CYP2J2: variants seen among roughly 807,000 people sequenced by gnomAD.
The protein encoded by CYP2J2 is cytochrome P450 2J2.
A neutral mutation model predicts 48.8 loss-of-function variants in CYP2J2; 41 were observed. That is an observed-to-expected ratio of 0.84 (90% CI 0.66 to 1.09). The LOEUF is 1.09. CYP2J2 is among the 50% of genes least tolerant of loss of function. CYP2J2 has a pLI of 0.00. For synonymous variants in CYP2J2, 221 were observed against 227.1 expected, an observed-to-expected ratio of 0.97 and a Z score of 0.24; for missense variants, 644 against 617.3, an observed-to-expected ratio of 1.04 and a Z score of -0.46.
chr1:59,920,553 A>G (rs1027486992), intron 1 of CYP2J2, among the ~76,000 whole-genome samples: 2 of 152,168 alleles, frequency 1.3e-5, no homozygotes, highest in Non-Finnish European at 2.9e-5. Context: ...CTCCTGGGAA[A>G]AGCATCTTCT....
chr1:59,957,652 C>T, the CYP2J2 span, among the ~76,000 whole-genome samples: 2 of 151,426 alleles, frequency 1.3e-5, no homozygotes, highest in African/African-American at 4.9e-5. Flanking sequence ...AAGGAAAGTT[C>T]CATTATGAGA....
chr1:59,964,050 T>C, the CYP2J2 span, among the ~76,000 whole-genome samples: 1 of 152,222 alleles, frequency 6.6e-6, no homozygotes, highest in Non-Finnish European at 1.5e-5. Flanking sequence ...ATTTAGCCCA[T>C]TGATGTGTCT....
chr1:59,902,113 C>T (rs1194707267), intron 7 of CYP2J2, among the ~76,000 whole-genome samples: 2 of 152,124 alleles, frequency 1.3e-5, no homozygotes, highest in Non-Finnish European at 2.9e-5. Flanking sequence ...ATTTGCCTTG[C>T]CAGGAATGTT....
chr1:59,962,484 TTAGAG>T, the CYP2J2 span, among the ~76,000 whole-genome samples: 1 of 152,162 alleles, frequency 6.6e-6, no homozygotes, highest in Admixed American at 6.5e-5. Context: ...AAAATACCAC[TTAGAG>T]TAGACTCTTG....
chr1:59,969,009 C>T, the CYP2J2 span, among the ~76,000 whole-genome samples: 1 of 152,248 alleles, frequency 6.6e-6, no homozygotes, highest in East Asian at 1.9e-4. Context: ...TGAGTGTTAA[C>T]AGCTCTTAAG....
At chr1:59,901,160 G>A in intron 7 of CYP2J2, 57 bp from the exon 8 acceptor site, 2 of 1,575,384 alleles carry the variant, frequency 1.3e-6, no homozygotes, top group East Asian at 2.3e-5. Context: ...GCACACCTAT[G>A]CAGAGGGGTG....
At chr1:59,966,968 A>G in the CYP2J2 span, among the ~76,000 whole-genome samples, 1 of 151,336 alleles carries the variant, frequency 6.6e-6, no homozygotes, top group African/African-American at 2.4e-5. Context: ...AAGGAAATCC[A>G]AGCTCTTCAG....
At chr1:59,956,698 T>A in the CYP2J2 span, among the ~76,000 whole-genome samples, 7 of 152,148 alleles carry the variant, frequency 4.6e-5, no homozygotes, top group African/African-American at 1.7e-4. Context: ...AACCTCATAT[T>A]CTTGAAAAGA....
the CYP2J2 span, among the ~76,000 whole-genome samples, chr1:59,935,011 T>TACAC: frequency 1.0e-4 from 4 of 39,788 alleles, no homozygotes; most frequent in Admixed American, 6.2e-4. Context: ...TATATATATA[T>TACAC]ATACATATAT....
intron 2 of CYP2J2, chr1:59,913,249 T>C (rs1644434468): frequency 6.6e-6 from 1 of 152,184 alleles, no homozygotes; most frequent in Admixed American, 6.5e-5. Context: ...CTTGAAATGG[T>C]GGAGTTCTTC....
the CYP2J2 span, among the ~76,000 whole-genome samples, chr1:59,965,962 C>T: frequency 1.3e-5 from 2 of 152,268 alleles, no homozygotes; most frequent in East Asian, 3.9e-4. Context: ...TGGGTGTACC[C>T]AAATTCTGAC....
chr1:59,967,897 A>G, the CYP2J2 span, among the ~76,000 whole-genome samples: 2 of 152,206 alleles, frequency 1.3e-5, no homozygotes, highest in Admixed American at 6.5e-5. Context: ...CAACTTTTTC[A>G]CTATATATAA....
At chr1:59,926,917 A>G (rs577951658), upstream of CYP2J2, 39 of 626,956 alleles carry the variant, frequency 6.2e-5, no homozygotes, top group African/African-American at 6.6e-4. Context: ...CACCGGTCTC[A>G]GAAAAGGCCA....
chr1:59,901,866 AGAGT>A (rs11572303), intron 7 of CYP2J2, among the ~76,000 whole-genome samples: 4,867 of 152,196 alleles, frequency 0.032, 135 homozygotes, highest in Admixed American at 0.087. Flanking sequence ...ACTCTGGAAG[AGAGT>A]GAGCTTCTAG....
At chr1:59,944,475 G>A in the CYP2J2 span, among the ~76,000 whole-genome samples, 1 of 152,262 alleles carries the variant, frequency 6.6e-6, no homozygotes, top group South Asian at 2.1e-4. Flanking sequence ...TGCCCACCTT[G>A]GCCTCCCAAA....
At chr1:59,960,719 T>C in the CYP2J2 span, among the ~76,000 whole-genome samples, 1 of 152,168 alleles carries the variant, frequency 6.6e-6, no homozygotes, top group African/African-American at 2.4e-5. Context: ...GGCAGAGGCC[T>C]GTAATCCCAG....
the CYP2J2 span, among the ~76,000 whole-genome samples, chr1:59,956,356 T>C: frequency 6.6e-6 from 1 of 152,160 alleles, no homozygotes; most frequent in East Asian, 1.9e-4. Context: ...TCCATCAGAA[T>C]GTGAAATTAT....
intron 1 of CYP2J2, among the ~76,000 whole-genome samples, chr1:59,920,917 A>C (rs951024835): frequency 6.6e-6 from 1 of 152,214 alleles, no homozygotes; most frequent in Non-Finnish European, 1.5e-5. Flanking sequence ...ATTATGGCTC[A>C]GACCATTTTC....
intron 1 of CYP2J2, 147 bp downstream of exon 1, chr1:59,926,390 C>T: frequency 3.1e-6 from 2 of 651,164 alleles, no homozygotes; most frequent in Non-Finnish European, 2.8e-6. Flanking sequence ...GGAAATGAAA[C>T]TCAAAGTGGG....
Sources: allele counts gnomAD v4.1 joint callset (sites outside exome capture counted in the v4.1 genomes callset), GRCh38; gene constraint gnomAD v4.1.1; transcripts MANE v1.5; gene names NCBI Gene and HGNC (gene_info 2026-07-23, HGNC 2026-07-21).